CACNA2D3: variants seen among roughly 807,000 people sequenced by gnomAD.
CACNA2D3 encodes calcium voltage-gated channel auxiliary subunit alpha2delta 3.
A neutral mutation model predicts 160.6 loss-of-function variants in CACNA2D3; 60 were observed. That is an observed-to-expected ratio of 0.37 (90% CI 0.30 to 0.46). The LOEUF (loss-of-function observed/expected upper bound fraction) is 0.46, where lower values mean the gene tolerates loss of function less well. CACNA2D3 is among the 20% of genes least tolerant of loss of function. CACNA2D3 has a pLI of 1.00. For missense variants in CACNA2D3, 1,205 were observed against 1,365.0 expected (o/e 0.88, Z 1.85); for synonymous variants, 558 against 492.9 (o/e 1.13, Z -1.75).
rs1361496803 is a variant in CACNA2D3, at chr3:54,179,458, T to A, written c.204+55864T>A. Among the ~76,000 whole-genome samples the A allele has an allele frequency of 4.6e-5, 7 of 152,176 alleles. No individual in the cohort carries two copies. In the South Asian group the frequency reaches 1.5e-3, roughly 32 times the overall value. On this transcript the variant is annotated intron_variant, in intron 2 of 37. Coordinates refer to ENST00000474759, the MANE Select transcript of CACNA2D3 (RefSeq NM_018398.3). Reference sequence around the variant, plus strand: ...GTCTGTCGGTGATTGGCTGAGATGTTATGTTCTAAGGCAGCTGTCTACGCC... The same window carrying A: ...GTCTGTCGGTGATTGGCTGAGATGTAATGTTCTAAGGCAGCTGTCTACGCC...
At chr3:54,801,740 T>C (rs181867805) in intron 13 of CACNA2D3, among the ~76,000 whole-genome samples, 1 of 152,130 alleles carries the variant, frequency 6.6e-6, no homozygotes, top group Non-Finnish European at 1.5e-5. Context: ...TAGGAAAGTA[T>C]ATGTGTTGCC....
intron 2 of CACNA2D3, among the ~76,000 whole-genome samples, chr3:54,278,586 A>C (rs1347326120): frequency 6.6e-6 from 1 of 152,222 alleles, no homozygotes; most frequent in African/African-American, 2.4e-5. Context: ...AACCAACCCA[A>C]ATGTTCGTCA....
At chr3:54,643,373 C>G (rs1699565310) in intron 11 of CACNA2D3, among the ~76,000 whole-genome samples, 2 of 152,174 alleles carry the variant, frequency 1.3e-5, no homozygotes, top group Admixed American at 1.3e-4. Flanking sequence ...TGAGCCTGGT[C>G]TTTAAGACTA....
chr3:54,368,086 TA>T (rs1160826252), intron 3 of CACNA2D3, among the ~76,000 whole-genome samples: 2 of 152,218 alleles, frequency 1.3e-5, no homozygotes, highest in South Asian at 2.1e-4. Flanking sequence ...AGTAATTATA[TA>T]AGGAACAAGA....
chr3:54,514,464 G>A (rs761894287), intron 5 of CACNA2D3, among the ~76,000 whole-genome samples: 1 of 152,196 alleles, frequency 6.6e-6, no homozygotes, highest in Non-Finnish European at 1.5e-5. Context: ...ATAAATATTC[G>A]TGGAGCACCT....
chr3:54,899,615 A>G (rs1219786635), intron 26 of CACNA2D3, among the ~76,000 whole-genome samples, 173 bp from the exon 27 acceptor site: 1 of 152,154 alleles, frequency 6.6e-6, no homozygotes, highest in Non-Finnish European at 1.5e-5. Context: ...GCAGCACTGC[A>G]CTCATGGCCT....
intron 9 of CACNA2D3, chr3:54,626,658 C>CTTT: frequency 1.6e-6 from 1 of 644,094 alleles, no homozygotes; most frequent in South Asian, 1.5e-5. Context: ...AGTGGCTCAG[C>CTTT]TAATAAAGGC....
At chr3:54,593,140 T>C (rs183095937) in intron 9 of CACNA2D3, among the ~76,000 whole-genome samples, 54 of 152,322 alleles carry the variant, frequency 3.5e-4, no homozygotes, top group Middle Eastern at 3.4e-3. Context: ...GTTGCACTGC[T>C]TTTTAAATGT....
At chr3:54,136,200 T>C (rs1437369770) in intron 2 of CACNA2D3, among the ~76,000 whole-genome samples, 1 of 152,232 alleles carries the variant, frequency 6.6e-6, no homozygotes, top group African/African-American at 2.4e-5. Flanking sequence ...TTGGTCCCAG[T>C]GTGTCATCAG....
Position 54,642,218 on chromosome 3 carries a change from A to G in CACNA2D3, c.1144A>G (p.Lys382Glu). 1 of 1,611,998 alleles carries G rather than the reference A, an allele frequency of 6.2e-7. No homozygotes were observed. The highest frequency in any genetic ancestry group is 1.3e-5 in the African/African-American group (1 of 75,000). The change falls in exon 11 of 38, where the codon AAA becomes GAA. Residue 382 changes from lysine to glutamate, a missense_variant. Coordinates refer to ENST00000474759, the MANE Select transcript of CACNA2D3 (RefSeq NM_018398.3). ...AVDTYDTIFA[K>E]YNWPDRKVRI... is the part of the protein sequence containing the mutation. ...GGACACCTATGATACAATCTTTGCAAAATACAATTGGCCAGATCGAAAGGT... is the reference window on the plus strand; with the variant it reads ...GGACACCTATGATACAATCTTTGCAGAATACAATTGGCCAGATCGAAAGGT...
intron 5 of CACNA2D3, among the ~76,000 whole-genome samples, chr3:54,547,930 A>G (rs758957252): frequency 2.0e-5 from 3 of 152,148 alleles, no homozygotes; most frequent in African/African-American, 7.2e-5. Flanking sequence ...CTGGCCTCAA[A>G]TGATCCTCCT....
intron 13 of CACNA2D3, among the ~76,000 whole-genome samples, chr3:54,808,737 A>T (rs1703202383): frequency 6.6e-6 from 1 of 152,148 alleles, no homozygotes; most frequent in Non-Finnish European, 1.5e-5. Context: ...TAGAGATAGG[A>T]GTCACACTCT....
intron 2 of CACNA2D3, among the ~76,000 whole-genome samples, chr3:54,281,023 C>T (rs1702867517): frequency 6.6e-6 from 1 of 152,222 alleles, no homozygotes; most frequent in African/African-American, 2.4e-5. Context: ...CTGTCTTCAG[C>T]ATCCACCCTA....
At chr3:54,886,351 T>C (rs985191453) in intron 23 of CACNA2D3, among the ~76,000 whole-genome samples, 2 of 152,184 alleles carry the variant, frequency 1.3e-5, no homozygotes, top group Non-Finnish European at 2.9e-5. Flanking sequence ...TATGCCCTGG[T>C]GGGGAAAGGA....
chr3:54,422,645 A>G (rs1288799316), intron 4 of CACNA2D3, among the ~76,000 whole-genome samples: 1 of 152,148 alleles, frequency 6.6e-6, no homozygotes, highest in Non-Finnish European at 1.5e-5. Context: ...CATTTTAACA[A>G]TCAGTTGGCA....
chr3:54,998,807 C>T (rs1357373912), intron 31 of CACNA2D3, among the ~76,000 whole-genome samples: 5 of 152,094 alleles, frequency 3.3e-5, no homozygotes, highest in African/African-American at 9.6e-5. Flanking sequence ...AGTGCAGTGG[C>T]GTGGTCTCAG....
chr3:54,448,437 T>G (rs1008209424), intron 4 of CACNA2D3, among the ~76,000 whole-genome samples: 1 of 152,182 alleles, frequency 6.6e-6, no homozygotes, highest in Admixed American at 6.5e-5. Context: ...CCAAGCACTC[T>G]CACTCTGTCT....
chr3:54,150,194 A>G (rs1277055399), intron 2 of CACNA2D3, among the ~76,000 whole-genome samples: 1 of 151,934 alleles, frequency 6.6e-6, no homozygotes, highest in Admixed American at 6.6e-5. Context: ...AAAAAGATGA[A>G]AAACCCCTAG....
chr3:54,995,707 C>T (rs1308242320), intron 31 of CACNA2D3, among the ~76,000 whole-genome samples: 1 of 152,238 alleles, frequency 6.6e-6, no homozygotes, highest in Admixed American at 6.5e-5. Flanking sequence ...CCTTACCTCA[C>T]TACAAAGGAA....
Sources: gnomAD v4.1 joint callset for allele counts (sites outside exome capture counted in the v4.1 genomes callset) on GRCh38, gnomAD v4.1.1 for gene constraint, MANE v1.5 for transcripts, NCBI Gene and HGNC (gene_info 2026-07-23, HGNC 2026-07-21) for gene names.